Variants in SRRM4 observed in about 807,000 individuals in gnomAD.
SRRM4 encodes serine/arginine repetitive matrix protein 4.
Under a neutral mutation model 68.9 loss-of-function variants are expected in SRRM4, and 33 were observed. The ratio of observed to expected loss-of-function variants is 0.48; its 90% CI spans 0.36 to 0.64. The LOEUF is 0.64. Among genes scored for constraint, SRRM4 ranks in the 30% least tolerant of loss-of-function variants. SRRM4 has a pLI of 0.00. For synonymous variants in SRRM4, 318 were observed against 318.8 expected (o/e 1.00, Z 0.03); for missense variants, 817 against 827.1 (o/e 0.99, Z 0.15).
intron 1 of SRRM4, among the ~76,000 whole-genome samples, chr12:119,032,984 T>C (rs1369847006): frequency 6.6e-6 from 1 of 152,212 alleles, no homozygotes; most frequent in African/African-American, 2.4e-5. Context: ...TAATGATATG[T>C]ATTCTTTTTT....
At position 119,141,686 on chromosome 12, in the gene SRRM4, G is replaced by C. The variant is rs12317413; in HGVS notation, c.772-3695G>C. Among the ~76,000 whole-genome samples the C allele has an allele frequency of 9.9e-3, 1,505 of 152,278 alleles. 17 individuals carry two copies. Among genetic ancestry groups the C allele is most frequent in the African/African-American group, 0.03 (1,240 of 41,552 alleles). On this transcript the variant is annotated intron_variant, in intron 8 of 12. Coordinates refer to ENST00000267260, the MANE Select transcript of SRRM4 (RefSeq NM_194286.4). ...TTGTTCATTAGGCAAAATTTACTGAGTGCCTACTCTGTGCCAGGCATTGGT... is the reference window on the plus strand; with the variant it reads ...TTGTTCATTAGGCAAAATTTACTGACTGCCTACTCTGTGCCAGGCATTGGT...
At chr12:119,047,030 T>TGA (rs1953712032) in intron 1 of SRRM4, among the ~76,000 whole-genome samples, 1 of 122,222 alleles carries the variant, frequency 8.2e-6, no homozygotes, top group Non-Finnish European at 1.6e-5. Flanking sequence ...AGATCCCGTC[T>TGA]AAAAAAAAAA....
chr12:119,153,470 C>T, intron 10 of SRRM4, 69 bp from the exon 11 acceptor site: 1 of 1,074,520 alleles, frequency 9.3e-7, no homozygotes, highest in Non-Finnish European at 1.4e-6. Flanking sequence ...CTGAATAAAG[C>T]TCAAGCCGTC....
At chr12:119,156,372 G>A in intron 12 of SRRM4, 123 bp from the exon 13 acceptor site, 2 of 1,405,434 alleles carry the variant, frequency 1.4e-6, no homozygotes, top group Non-Finnish European at 1.9e-6. Flanking sequence ...TGGAAAGGGA[G>A]TATTTTTTCC....
intron 6 of SRRM4, chr12:119,124,230 C>T (rs1954242803): frequency 6.6e-6 from 1 of 152,170 alleles, no homozygotes; most frequent in Admixed American, 6.5e-5. Flanking sequence ...CCTAAGACAT[C>T]ATGAACTGGG....
chr12:119,056,213 T>C (rs1273212754), intron 1 of SRRM4, among the ~76,000 whole-genome samples: 2 of 152,238 alleles, frequency 1.3e-5, no homozygotes, highest in Non-Finnish European at 2.9e-5. Context: ...CAGCTTTGTC[T>C]AAGTTCTGGC....
chr12:119,029,808 G>A (rs143906596), intron 1 of SRRM4, among the ~76,000 whole-genome samples: 1 of 152,172 alleles, frequency 6.6e-6, no homozygotes, highest in Non-Finnish European at 1.5e-5. Flanking sequence ...TCCAGGTAAT[G>A]GGAGCCTTGG....
chr12:119,129,352 T>C (rs933050967), intron 7 of SRRM4, among the ~76,000 whole-genome samples: 3 of 152,206 alleles, frequency 2.0e-5, no homozygotes, highest in Non-Finnish European at 4.4e-5. Context: ...CAGACATGCC[T>C]TTGGTTTTTA....
chr12:119,135,428 A>G (rs1954322158), intron 8 of SRRM4, among the ~76,000 whole-genome samples: 1 of 152,222 alleles, frequency 6.6e-6, no homozygotes, highest in Non-Finnish European at 1.5e-5. Flanking sequence ...ACCAAAAACA[A>G]TAATAATAAA....
chr12:119,035,713 C>A (rs1389678349), intron 1 of SRRM4, among the ~76,000 whole-genome samples: 1 of 152,108 alleles, frequency 6.6e-6, no homozygotes, highest in African/African-American at 2.4e-5. Context: ...ATAGGTGCCC[C>A]TCTCTGATTA....
intron 9 of SRRM4, among the ~76,000 whole-genome samples, chr12:119,146,253 C>CG (rs1555221161): frequency 6.6e-6 from 1 of 151,782 alleles, no homozygotes; most frequent in Non-Finnish European, 1.5e-5. Context: ...GCTAGGCAGG[C>CG]AAAAAAACAG....
intron 1 of SRRM4, among the ~76,000 whole-genome samples, chr12:119,066,865 C>T (rs1007020414): frequency 6.6e-6 from 1 of 152,224 alleles, no homozygotes; most frequent in African/African-American, 2.4e-5. Flanking sequence ...CTGGCTCTAG[C>T]TCCCCCTCCC....
Position 118,981,742 on chromosome 12 carries a change from C to A in SRRM4, c.-141C>A. 1.1e-6 allele frequency: 1 copy of A among 918,564 alleles called. No individual in the cohort carries two copies. The highest frequency in any genetic ancestry group is 1.6e-6 in the Non-Finnish European group (1 of 630,200). The allele number at this position is 918,564 out of a possible 1,614,324, so 56.9% of individuals were successfully genotyped here. A position where few individuals can be genotyped will look rare whatever the true frequency, so the allele number is the denominator to read the frequency against. Reference sequence around the variant, plus strand: ...CGGGCTGGGGCGTCCCATCCCCCGCCCTGAACTCCGATCTCTCCCACCCCA... The same window carrying A: ...CGGGCTGGGGCGTCCCATCCCCCGCACTGAACTCCGATCTCTCCCACCCCA... On this transcript the variant is annotated 5_prime_UTR_variant, in exon 1 of 13. Coordinates refer to ENST00000267260, the MANE Select transcript of SRRM4 (RefSeq NM_194286.4).
intron 8 of SRRM4, chr12:119,144,684 G>C (rs1186578897): frequency 6.6e-6 from 1 of 151,690 alleles, no homozygotes; most frequent in Admixed American, 6.6e-5. Context: ...GTTTATTTTT[G>C]GTCAGACTGT....
chr12:119,002,131 G>A (rs1050003575), intron 1 of SRRM4, among the ~76,000 whole-genome samples: 4 of 152,188 alleles, frequency 2.6e-5, no homozygotes, highest in African/African-American at 4.8e-5. Flanking sequence ...GTGGCCCTGA[G>A]GGGTTAAACA....
At chr12:119,129,918 T>TGGAC (rs1343494492) in intron 7 of SRRM4, among the ~76,000 whole-genome samples, 5 of 148,466 alleles carry the variant, frequency 3.4e-5, no homozygotes, top group Admixed American at 3.3e-4. Context: ...GATGGATGGA[T>TGGAC]GGTTAGATGG....
chr12:119,060,884 A>G (rs1181833545), intron 1 of SRRM4, among the ~76,000 whole-genome samples: 1 of 152,162 alleles, frequency 6.6e-6, no homozygotes, highest in African/African-American at 2.4e-5. Flanking sequence ...GAGGAACACA[A>G]TCCCTACTTG....
chr12:119,058,199 C>T (rs1455372188), intron 1 of SRRM4, among the ~76,000 whole-genome samples: 1 of 152,116 alleles, frequency 6.6e-6, no homozygotes, highest in East Asian at 1.9e-4. Flanking sequence ...AGGTATTATA[C>T]ATTTTGGGAT....
chr12:119,003,251 G>A (rs1359428276), intron 1 of SRRM4, among the ~76,000 whole-genome samples: 3 of 151,698 alleles, frequency 2.0e-5, no homozygotes. Context: ...TTTGGACTGT[G>A]CTCTCTCTAC....
Sources: allele counts gnomAD v4.1 joint callset (sites outside exome capture counted in the v4.1 genomes callset), GRCh38; gene constraint gnomAD v4.1.1; transcripts MANE v1.5; gene names NCBI Gene and HGNC (gene_info 2026-07-23, HGNC 2026-07-21).